Variants in ANKS1B observed in about 807,000 individuals in gnomAD.
ANKS1B encodes ankyrin repeat and sterile alpha motif domain containing 1B, also known as ankyrin repeat and sterile alpha motif domain-containing protein 1B.
In ANKS1B, 36 loss-of-function variants were observed where a neutral mutation model predicts 148.3. The observed-to-expected ratio is 0.24, with a 90% CI of 0.19 to 0.32. The LOEUF is 0.32. Among genes scored for constraint, ANKS1B ranks in the 10% least tolerant of loss-of-function variants. ANKS1B has a pLI of 1.00. For synonymous variants in ANKS1B, 542 were observed against 560.8 expected, an observed-to-expected ratio of 0.97 and a Z score of 0.47; for missense variants, 1,157 against 1,542.6, an observed-to-expected ratio of 0.75 and a Z score of 4.19.
intron 17 of ANKS1B, among the ~76,000 whole-genome samples, chr12:98,982,773 T>C (rs2099913387): frequency 6.6e-6 from 1 of 152,258 alleles, no homozygotes; most frequent in South Asian, 2.1e-4. Context: ...AATTCTATTG[T>C]ATGAATATAC....
chr12:98,831,877 G>A, intron 18 of ANKS1B, 152 bp downstream of exon 18: 1 of 691,810 alleles, frequency 1.4e-6, no homozygotes, highest in Non-Finnish European at 2.6e-6. Flanking sequence ...AGCCTCCGGA[G>A]TAGCTGGGAC....
At chr12:99,020,807 T>C (rs922108093) in intron 17 of ANKS1B, among the ~76,000 whole-genome samples, 2 of 152,138 alleles carry the variant, frequency 1.3e-5, no homozygotes, top group African/African-American at 2.4e-5. Flanking sequence ...TATTAGAATA[T>C]GGTTTCTTTC....
At chr12:99,177,220 T>C (rs1406658191) in intron 14 of ANKS1B, among the ~76,000 whole-genome samples, 1 of 152,234 alleles carries the variant, frequency 6.6e-6, no homozygotes. Flanking sequence ...CCCATACCTC[T>C]GTTCCCTGAC....
chr12:99,124,993 G>C (rs890069182), intron 15 of ANKS1B, among the ~76,000 whole-genome samples: 1 of 151,900 alleles, frequency 6.6e-6, no homozygotes, highest in African/African-American at 2.4e-5. Context: ...AGGTGAAGAT[G>C]GTGATTACAA....
At chr12:99,852,028 T>C (rs1404948845) in intron 1 of ANKS1B, among the ~76,000 whole-genome samples, 1 of 152,174 alleles carries the variant, frequency 6.6e-6, no homozygotes, top group East Asian at 1.9e-4. Context: ...TGTAATATGA[T>C]AGAAACAGTC....
At chr12:99,554,567 A>G (rs1183447558) in intron 9 of ANKS1B, among the ~76,000 whole-genome samples, 1 of 152,196 alleles carries the variant, frequency 6.6e-6, no homozygotes, top group Non-Finnish European at 1.5e-5. Context: ...ATTAAGGGAT[A>G]GGGTCCCCAC....
intron 15 of ANKS1B, among the ~76,000 whole-genome samples, chr12:99,116,914 A>G (rs1342492770): frequency 6.6e-6 from 1 of 152,162 alleles, no homozygotes; most frequent in Non-Finnish European, 1.5e-5. Flanking sequence ...GAGGTCCTTC[A>G]CATCCCTTGT....
At chr12:98,805,647 A>G (rs2099045430) in intron 20 of ANKS1B, among the ~76,000 whole-genome samples, 1 of 152,222 alleles carries the variant, frequency 6.6e-6, no homozygotes, top group Non-Finnish European at 1.5e-5. Flanking sequence ...AGAGATTTTT[A>G]CTGGATGGCA....
At chr12:99,777,551 C>T (rs1272618781) in intron 6 of ANKS1B, among the ~76,000 whole-genome samples, 3 of 152,028 alleles carry the variant, frequency 2.0e-5, no homozygotes, top group African/African-American at 7.3e-5. Flanking sequence ...ATATTACACA[C>T]ATGCTTCAGT....
intron 14 of ANKS1B, among the ~76,000 whole-genome samples, chr12:99,160,717 A>G (rs1328843701): frequency 1.3e-5 from 2 of 152,070 alleles, no homozygotes; most frequent in Admixed American, 1.3e-4. Context: ...AGTTTTGTAT[A>G]TGGTCAAAGG....
intron 17 of ANKS1B, among the ~76,000 whole-genome samples, chr12:99,010,725 A>G (rs7487923): frequency 0.31 from 45,951 of 150,608 alleles, 8,065 homozygotes; most frequent in African/African-American, 0.48. Context: ...CAGATTAAGA[A>G]CAACTCCAGC....
intron 6 of ANKS1B, 50 bp from the exon 7 acceptor site, chr12:99,775,711 A>C (rs994080463): frequency 1.0e-5 from 11 of 1,094,246 alleles, no homozygotes; most frequent in Non-Finnish European, 1.4e-5. Flanking sequence ...TTTATTTTAA[A>C]ATCAATAAAT....
intron 24 of ANKS1B, among the ~76,000 whole-genome samples, chr12:98,777,463 T>C (rs1270944496): frequency 6.6e-6 from 1 of 152,180 alleles, no homozygotes; most frequent in Non-Finnish European, 1.5e-5. Flanking sequence ...GAGCACTGAA[T>C]GTAGAAACCG....
At chr12:99,848,649 T>C (rs147276365) in intron 1 of ANKS1B, among the ~76,000 whole-genome samples, 244 of 152,224 alleles carry the variant, frequency 1.6e-3, no homozygotes, top group African/African-American at 5.7e-3. Context: ...TTCATATCTA[T>C]ATACAAGAAA....
chr12:99,829,244 C>T (rs2083602135), intron 1 of ANKS1B, among the ~76,000 whole-genome samples: 1 of 151,292 alleles, frequency 6.6e-6, no homozygotes, highest in African/African-American at 2.4e-5. Flanking sequence ...GTCGCGGTGG[C>T]TCACGCCTGT....
At chr12:99,179,942 A>G (rs2078921384) in intron 14 of ANKS1B, among the ~76,000 whole-genome samples, 1 of 152,220 alleles carries the variant, frequency 6.6e-6, no homozygotes, top group Non-Finnish European at 1.5e-5. Flanking sequence ...AACTGCATTT[A>G]TAATAAACCC....
At chr12:98,789,511 T>A (rs1293799637) in intron 22 of ANKS1B, among the ~76,000 whole-genome samples, 2 of 152,114 alleles carry the variant, frequency 1.3e-5, no homozygotes, top group Non-Finnish European at 2.9e-5. Context: ...CATGGGCTTG[T>A]GTACTGCCCC....
intron 1 of ANKS1B, among the ~76,000 whole-genome samples, chr12:99,948,374 G>T (rs1165942423): frequency 8.0e-6 from 1 of 125,380 alleles, no homozygotes; most frequent in Non-Finnish European, 1.7e-5. Context: ...TTTGAAGAAA[G>T]AATTAAAAAA....
At position 99,446,233 on chromosome 12, in the gene ANKS1B, T is replaced by A. The variant is rs115094341; in HGVS notation, c.1439-2424A>T. Among the ~76,000 whole-genome samples the A allele has an allele frequency of 5.4e-3, 822 of 151,942 alleles. 5 individuals carry two copies. The highest frequency in any genetic ancestry group is 0.019 in the African/African-American group (784 of 41,434). On this transcript the variant is annotated intron_variant, in intron 10 of 26. Coordinates refer to ENST00000683438, the MANE Select transcript of ANKS1B (RefSeq NM_001352186.2). ...GAACAAAACATTAGATATTAGGGCA[T>A]GAAGGTAGGAAGAGCACAGTTGAAG...
Sources: allele counts gnomAD v4.1 joint callset (sites outside exome capture counted in the v4.1 genomes callset), GRCh38; gene constraint gnomAD v4.1.1; transcripts MANE v1.5; gene names NCBI Gene and HGNC (gene_info 2026-07-23, HGNC 2026-07-21).